The following SUCLG1 variants were observed in gnomAD, a reference collection of about 807,000 sequenced individuals.
The protein encoded by SUCLG1 is succinate-CoA ligase GDP/ADP-forming subunit alpha.
Under a neutral mutation model 37.3 loss-of-function variants are expected in SUCLG1, and 26 were observed. The ratio of observed to expected loss-of-function variants is 0.70; its 90% CI spans 0.51 to 0.97. The LOEUF is 0.97. SUCLG1 is among the 50% of genes least tolerant of loss of function. The pLI, the probability that SUCLG1 is intolerant of heterozygous loss-of-function variation, is 0.00. For missense variants in SUCLG1, 433 were observed against 432.9 expected (o/e 1.00, Z 0.00); for synonymous variants, 163 against 155.6 (o/e 1.05, Z -0.36).
intron 5 of SUCLG1, among the ~76,000 whole-genome samples, chr2:84,435,024 G>C (rs112405741): frequency 3.2e-4 from 48 of 152,266 alleles, no homozygotes; most frequent in African/African-American, 1.2e-3. Flanking sequence ...CTAAATCCTC[G>C]ACGATGCCTC....
chr2:84,430,001 A>T (rs1051816263), intron 7 of SUCLG1, among the ~76,000 whole-genome samples: 5 of 152,226 alleles, frequency 3.3e-5, no homozygotes, highest in African/African-American at 1.2e-4. Context: ...TTGGTAACTG[A>T]GTAGAAACAG....
intron 5 of SUCLG1, among the ~76,000 whole-genome samples, chr2:84,438,597 T>C (rs543757177): frequency 6.6e-6 from 1 of 152,296 alleles, no homozygotes; most frequent in African/African-American, 2.4e-5. Flanking sequence ...AAGGAGGCTA[T>C]TGAGACTATT....
At chr2:84,446,162 A>C (rs900850258) in intron 2 of SUCLG1, among the ~76,000 whole-genome samples, 36 of 151,744 alleles carry the variant, frequency 2.4e-4, no homozygotes, top group African/African-American at 7.3e-4. Flanking sequence ...CCTCTCCTCC[A>C]TCCTAACCAC....
In SUCLG1 at chr2:84,449,852, T is replaced by G. The variant is rs1672914392; in HGVS notation, c.98-100A>C. ...AACTTGATCACAAAAAAAAAATTCT[T>G]TAATGCACGCGCTATCCTGTGATCA... On this transcript the variant is annotated intron_variant, in intron 1 of 8. Coordinates refer to ENST00000393868, the MANE Select transcript of SUCLG1 (RefSeq NM_003849.4). The G allele has an allele frequency of 3.4e-6, 3 of 880,770 alleles. No homozygotes were observed. The Admixed American group carries it at 7.5e-5, about 22-fold the overall frequency. The allele number at this position is 880,770 out of a possible 1,614,324, so 54.6% of individuals were successfully genotyped here.
chr2:84,426,529 T>G (rs1042405217), intron 7 of SUCLG1: 1 of 152,076 alleles, frequency 6.6e-6, no homozygotes, highest in African/African-American at 2.4e-5. Flanking sequence ...TAGCTGGGCA[T>G]GGTGGCTCGC....
At chr2:84,449,531 G>A (rs1672903944) in intron 2 of SUCLG1, 118 bp downstream of exon 2, 2 of 704,342 alleles carry the variant, frequency 2.8e-6, no homozygotes, top group African/African-American at 3.6e-5. Flanking sequence ...CCCCATTGCT[G>A]TACAGTATAT....
chr2:84,431,487 T>C, intron 7 of SUCLG1, 21 bp downstream of exon 7: 2 of 1,613,806 alleles, frequency 1.2e-6, no homozygotes, highest in Non-Finnish European at 1.7e-6. Context: ...AAGAGCTATG[T>C]TTTTCCAAAC....
At chr2:84,425,747 T>A in intron 7 of SUCLG1, 144 bp from the exon 8 acceptor site, 1 of 863,848 alleles carries the variant, frequency 1.2e-6, no homozygotes, top group Non-Finnish European at 1.9e-6. Flanking sequence ...ACACAAATAT[T>A]AAACCATGAT....
At chr2:84,425,969 A>G (rs939053769) in intron 7 of SUCLG1, 2 of 327,512 alleles carry the variant, frequency 6.1e-6, no homozygotes, top group Non-Finnish European at 5.8e-6. Flanking sequence ...TCAACCTAAT[A>G]TTATGCCTTA....
intron 5 of SUCLG1, among the ~76,000 whole-genome samples, chr2:84,437,396 T>C (rs1273422592): frequency 2.0e-5 from 3 of 152,170 alleles, no homozygotes; most frequent in African/African-American, 7.2e-5. Context: ...CTGAAAAAGA[T>C]AACAAATGGC....
intron 1 of SUCLG1, among the ~76,000 whole-genome samples, chr2:84,456,037 T>G (rs550822394): frequency 6.6e-6 from 1 of 152,152 alleles, no homozygotes; most frequent in Non-Finnish European, 1.5e-5. Context: ...ATTTCTGAAA[T>G]AAAGATTTGG....
Position 84,431,649 on chromosome 2 carries a change from ACCT to A in SUCLG1, c.681_683del (p.Gly228del), listed in dbSNP as rs2104243456. The stretch of plus-strand genomic sequence containing the variant: ...TAAAATCTGTTCCATTAAAAGGATC[ACCT>A]CCAATGCCTGAAAAAGTTGAAAAAT... On this transcript the variant is annotated inframe_deletion, in exon 7 of 9. Transcript: ENST00000393868. 1 of 1,613,868 alleles carries A rather than the reference ACCT, an allele frequency of 6.2e-7. No homozygotes were observed. Among genetic ancestry groups the A allele is most frequent in the South Asian group, 1.1e-5 (1 of 91,074 alleles).
chr2:84,455,189 C>T (rs774208973), intron 1 of SUCLG1, among the ~76,000 whole-genome samples: 4 of 152,060 alleles, frequency 2.6e-5, no homozygotes, highest in Non-Finnish European at 5.9e-5. Flanking sequence ...CTGTAAGTAC[C>T]ATATTTCATC....
chr2:84,446,406 G>A (rs539730000), intron 2 of SUCLG1, among the ~76,000 whole-genome samples: 2 of 152,284 alleles, frequency 1.3e-5, no homozygotes, highest in South Asian at 4.1e-4. Flanking sequence ...ACGAATCTAT[G>A]TGATCATTTC....
chr2:84,440,855 A>G (rs1672757538), intron 5 of SUCLG1, among the ~76,000 whole-genome samples, 192 bp downstream of exon 5: 1 of 152,258 alleles, frequency 6.6e-6, no homozygotes, highest in African/African-American at 2.4e-5. Flanking sequence ...GATTCTGCAG[A>G]ATTGTAACGG....
chr2:84,431,806 T>TA lies in SUCLG1; in HGVS notation c.674-148dup, dbSNP rs373564399. Reference sequence around the variant, plus strand: ...TATCATTGCTCTTGCATTTAATATTTAAAAAATCACAAAATGCTACATTTA... The same window carrying TA: ...TATCATTGCTCTTGCATTTAATATTTAAAAAAATCACAAAATGCTACATTTA... On this transcript the variant is annotated intron_variant, in intron 6 of 8. Coordinates refer to ENST00000393868, the MANE Select transcript of SUCLG1 (RefSeq NM_003849.4). 7.6e-4 allele frequency: 621 copies of TA among 820,764 alleles called. No individual in the cohort carries two copies. The African/African-American group carries it at 8.5e-3, about 11-fold the overall frequency. 50.8% of individuals were successfully genotyped at this position (820,764 alleles called of 1,614,324 possible). A position where few individuals can be genotyped will look rare whatever the true frequency, so the allele number is the denominator to read the frequency against.
intron 1 of SUCLG1, among the ~76,000 whole-genome samples, chr2:84,457,019 C>A (rs1673031163): frequency 6.6e-6 from 1 of 152,128 alleles, no homozygotes; most frequent in South Asian, 2.1e-4. Flanking sequence ...TACCAGTGTT[C>A]ACTTGAGTTT....
At chr2:84,431,737 T>A in intron 6 of SUCLG1, 78 bp from the exon 7 acceptor site, 1 of 1,471,090 alleles carries the variant, frequency 6.8e-7, no homozygotes, top group Non-Finnish European at 9.4e-7. Context: ...TGTTTTTAAC[T>A]AGTTTGTCAT....
chr2:84,447,110 G>A (rs1672862147), intron 2 of SUCLG1, among the ~76,000 whole-genome samples: 1 of 152,206 alleles, frequency 6.6e-6, no homozygotes, highest in South Asian at 2.1e-4. Flanking sequence ...AAACTGCATT[G>A]CTGAAACATA....
Sources: allele counts gnomAD v4.1 joint callset (sites outside exome capture counted in the v4.1 genomes callset), GRCh38; gene constraint gnomAD v4.1.1; transcripts MANE v1.5; gene names NCBI Gene and HGNC (gene_info 2026-07-23, HGNC 2026-07-21).